Variants in CFI observed in about 807,000 individuals in gnomAD.
CFI encodes C3B/C4B inactivator.
A neutral mutation model predicts 78.8 loss-of-function variants in CFI; 66 were observed. The observed-to-expected ratio is 0.84, with a 90% CI of 0.69 to 1.03. The LOEUF (loss-of-function observed/expected upper bound fraction) is 1.03, where lower values mean the gene tolerates loss of function less well. Ranked by LOEUF, CFI falls within the 50% of genes least tolerant of loss-of-function variation. The pLI, the probability that CFI is intolerant of heterozygous loss-of-function variation, is 0.00. For missense variants in CFI, 706 were observed against 704.5 expected (o/e 1.00, Z -0.02); for synonymous variants, 250 against 232.6 (o/e 1.07, Z -0.68).
chr4:109,769,672 G>A (rs762393177), intron 1 of CFI, among the ~76,000 whole-genome samples: 1 of 152,208 alleles, frequency 6.6e-6, no homozygotes, highest in East Asian at 1.9e-4. Flanking sequence ...CCAGCTGGCT[G>A]CTCATGGTCC....
At chr4:109,743,111 G>A (rs1724003753) in intron 11 of CFI, among the ~76,000 whole-genome samples, 1 of 152,110 alleles carries the variant, frequency 6.6e-6, no homozygotes, top group South Asian at 2.1e-4. Context: ...ATTTAAAAGG[G>A]GATTTAAGAT....
intron 6 of CFI, 52 bp from the exon 7 acceptor site, chr4:109,757,835 T>G: frequency 7.2e-7 from 1 of 1,380,256 alleles, no homozygotes; most frequent in Non-Finnish European, 1.0e-6. Context: ...TTGGAAAAAA[T>G]GCACACTATA....
At chr4:109,742,109 T>C (rs1179970617) in intron 12 of CFI, 4 of 204,772 alleles carry the variant, frequency 2.0e-5, no homozygotes, top group Admixed American at 5.3e-5. Flanking sequence ...TGTAAGACTT[T>C]GGACAAATTA....
At chr4:109,740,020 G>A (rs1723616861), downstream of CFI, among the ~76,000 whole-genome samples, 1 of 152,226 alleles carries the variant, frequency 6.6e-6, no homozygotes, top group Non-Finnish European at 1.5e-5. Flanking sequence ...GGGGCCTGGT[G>A]TGGTGGCTCA....
At position 109,766,589 on chromosome 4, in the gene CFI, G is replaced by T; in HGVS notation, c.293C>A (p.Thr98Lys). 1 of 1,614,100 alleles carries T rather than the reference G, an allele frequency of 6.2e-7. No individual in the cohort carries two copies. Among genetic ancestry groups the T allele is most frequent in the Middle Eastern group, 1.6e-4 (1 of 6,062 alleles). Residue 98 changes from threonine to lysine, a missense_variant, in exon 2 of 13, where the codon ACA becomes AAA. By Grantham distance (78) the Thr-to-Lys change is moderately conservative. Transcript: ENST00000394634. Reference protein sequence around the residue: ...QKSLECLHPGTKFLNNGTCTA... With the variant: ...QKSLECLHPGKKFLNNGTCTA... Reference sequence around the variant, plus strand: ...GCATGTTCCGTTATTTAAAAACTTTGTCCCTGGATGAAGACATTCCAAACT... The same window carrying T: ...GCATGTTCCGTTATTTAAAAACTTTTTCCCTGGATGAAGACATTCCAAACT...
chr4:109,782,214 C>T (rs778782554), intron 1 of CFI, among the ~76,000 whole-genome samples: 14 of 151,872 alleles, frequency 9.2e-5, no homozygotes, highest in South Asian at 2.1e-4. Flanking sequence ...GCATCCAAAC[C>T]GGTAAAGAGG....
At chr4:109,774,244 A>G (rs574522220) in intron 1 of CFI, among the ~76,000 whole-genome samples, 1 of 152,358 alleles carries the variant, frequency 6.6e-6, no homozygotes, top group East Asian at 1.9e-4. Flanking sequence ...ACAAAAATGA[A>G]TAAACAGTAA....
At chr4:109,769,321 G>A (rs1728262459) in intron 1 of CFI, among the ~76,000 whole-genome samples, 1 of 152,164 alleles carries the variant, frequency 6.6e-6, no homozygotes, top group South Asian at 2.1e-4. Context: ...TCACTAAATA[G>A]CAATGACAAT....
At chr4:109,750,869 A>G (rs755437958) in intron 8 of CFI, among the ~76,000 whole-genome samples, 9 of 152,144 alleles carry the variant, frequency 5.9e-5, no homozygotes, top group African/African-American at 9.7e-5. Context: ...ATTAACCCCA[A>G]TTCCGGGAAG....
intron 12 of CFI, 131 bp downstream of exon 12, chr4:109,742,360 G>T: frequency 2.8e-6 from 2 of 705,884 alleles, no homozygotes; most frequent in Non-Finnish European, 5.2e-6. Flanking sequence ...AAGAGTTTGA[G>T]AGTGCTACAG....
the CFI span, among the ~76,000 whole-genome samples, chr4:109,733,961 G>A: frequency 6.6e-6 from 1 of 152,080 alleles, no homozygotes; most frequent in East Asian, 1.9e-4. Flanking sequence ...CCTGAGTCCA[G>A]GAGTTCAAGA....
At chr4:109,735,657 G>A in the CFI span, among the ~76,000 whole-genome samples, 1 of 152,230 alleles carries the variant, frequency 6.6e-6, no homozygotes, top group Admixed American at 6.5e-5. Flanking sequence ...AAAGCCACAT[G>A]GTGAAGCAAT....
chr4:109,759,900 A>T (rs1443519137), intron 6 of CFI, among the ~76,000 whole-genome samples: 1 of 149,094 alleles, frequency 6.7e-6, no homozygotes, highest in Non-Finnish European at 1.5e-5. Context: ...TCACAAAAAA[A>T]GTAATAGTAA....
chr4:109,750,358 A>G (rs1725001290), intron 8 of CFI, among the ~76,000 whole-genome samples: 1 of 152,148 alleles, frequency 6.6e-6, no homozygotes, highest in Non-Finnish European at 1.5e-5. Flanking sequence ...ATGTTAACAT[A>G]GTGATACTCT....
intron 2 of CFI, among the ~76,000 whole-genome samples, chr4:109,765,959 A>G (rs1446280045): frequency 6.6e-6 from 1 of 152,036 alleles, no homozygotes; most frequent in Non-Finnish European, 1.5e-5. Flanking sequence ...TCTACTAAAA[A>G]CACAAAAAAT....
At position 109,801,931 on chromosome 4, in the gene CFI, T is replaced by A. The variant is rs746175537; in HGVS notation, c.41A>T (p.His14Leu). The change falls in exon 1 of 13, where the codon CAC becomes CTC. Residue 14 changes from histidine to leucine, a missense_variant. Transcript: ENST00000394634. ...ATTACTTACCTTGCAAAACCTTAAGTGGAAGCACAGAAATAACAGGAAAAC... is the reference window on the plus strand; with the variant it reads ...ATTACTTACCTTGCAAAACCTTAAGAGGAAGCACAGAAATAACAGGAAAAC... ...LHVFLLFLCF[H>L]LRFCKVTYTS... 1 of 1,612,040 alleles carries A rather than the reference T, an allele frequency of 6.2e-7. No individual in the cohort carries two copies. The highest frequency in any genetic ancestry group is 1.1e-5 in the South Asian group (1 of 90,826).
At chr4:109,774,049 A>G (rs2125831132) in intron 1 of CFI, among the ~76,000 whole-genome samples, 1 of 152,346 alleles carries the variant, frequency 6.6e-6, no homozygotes, top group African/African-American at 2.4e-5. Flanking sequence ...ATTGATTTAT[A>G]TGTTTTATTT....
chr4:109,778,934 C>A (rs1016632153), intron 1 of CFI, among the ~76,000 whole-genome samples: 3 of 152,112 alleles, frequency 2.0e-5, no homozygotes, highest in African/African-American at 7.2e-5. Context: ...ATTCAACAGC[C>A]CTTCATGATA....
At chr4:109,790,408 A>G (rs761878942) in intron 1 of CFI, among the ~76,000 whole-genome samples, 3 of 152,030 alleles carry the variant, frequency 2.0e-5, no homozygotes, top group Non-Finnish European at 4.4e-5. Flanking sequence ...TAGATTATCA[A>G]TTTGAGATCT....
Sources: allele counts gnomAD v4.1 joint callset (sites outside exome capture counted in the v4.1 genomes callset), GRCh38; gene constraint gnomAD v4.1.1; transcripts MANE v1.5; gene names NCBI Gene and HGNC (gene_info 2026-07-23, HGNC 2026-07-21).